Variants in RANBP2 observed in about 807,000 individuals in gnomAD.
The protein encoded by RANBP2 is E3 SUMO-protein ligase RanBP2.
Under a neutral mutation model 303.6 loss-of-function variants are expected in RANBP2, and 57 were observed. That is an observed-to-expected ratio of 0.19 (90% CI 0.15 to 0.23). The LOEUF is 0.23. Ranked by LOEUF, RANBP2 falls within the 10% of genes least tolerant of loss-of-function variation. The pLI, the probability that RANBP2 is intolerant of heterozygous loss-of-function variation, is 1.00. For synonymous variants in RANBP2, 1,167 were observed against 1,301.5 expected (o/e 0.90, Z 2.23); for missense variants, 3,138 against 3,780.8 (o/e 0.83, Z 4.46).
chr2:109,025,143 T>A, the RANBP2 span, among the ~76,000 whole-genome samples: 7 of 152,230 alleles, frequency 4.6e-5, no homozygotes, highest in Admixed American at 6.5e-5. Context: ...TTGTTTCACT[T>A]GGGTTTTCAA....
At chr2:109,125,101 G>C in the RANBP2 span, among the ~76,000 whole-genome samples, 1 of 152,194 alleles carries the variant, frequency 6.6e-6, no homozygotes, top group Non-Finnish European at 1.5e-5. Context: ...AGTCAAGTCT[G>C]GGGTTGGCCT....
the RANBP2 span, among the ~76,000 whole-genome samples, chr2:109,285,118 C>T: frequency 6.6e-6 from 1 of 152,202 alleles, no homozygotes. Context: ...CTGGAAAGAG[C>T]CCAGGGTCTG....
the RANBP2 span, among the ~76,000 whole-genome samples, chr2:109,625,180 G>A: frequency 6.3e-3 from 950 of 151,664 alleles, 11 homozygotes; most frequent in African/African-American, 0.022. Context: ...ATTGGAATCT[G>A]CATTTTAGCC....
the RANBP2 span, among the ~76,000 whole-genome samples, chr2:109,229,066 C>G: frequency 1.6e-4 from 25 of 152,258 alleles, no homozygotes; most frequent in Admixed American, 1.0e-3. Context: ...GGATTAGGAG[C>G]TCTGTGTTGG....
At chr2:109,526,943 G>A in the RANBP2 span, among the ~76,000 whole-genome samples, 4 of 152,152 alleles carry the variant, frequency 2.6e-5, no homozygotes, top group African/African-American at 9.7e-5. Flanking sequence ...GCCTGCCTGC[G>A]TGGGGGCTGG....
the RANBP2 span, among the ~76,000 whole-genome samples, chr2:108,898,434 C>A: frequency 6.6e-6 from 1 of 152,138 alleles, no homozygotes; most frequent in Admixed American, 6.5e-5. Flanking sequence ...AGCAAGACAG[C>A]ACCCTCATTC....
At chr2:109,231,313 T>C in the RANBP2 span, among the ~76,000 whole-genome samples, 1 of 152,234 alleles carries the variant, frequency 6.6e-6, no homozygotes, top group Admixed American at 6.5e-5. Context: ...GCTAATGCGA[T>C]GACATTTTGA....
At chr2:109,334,077 A>AT in the RANBP2 span, among the ~76,000 whole-genome samples, 1 of 152,162 alleles carries the variant, frequency 6.6e-6, no homozygotes, top group African/African-American at 2.4e-5. Context: ...ATCACCTCAA[A>AT]ACCAGGTTCA....
At chr2:108,740,827 A>T in intron 7 of RANBP2, 146 bp downstream of exon 7, 1 of 1,375,342 alleles carries the variant, frequency 7.3e-7, no homozygotes, top group Non-Finnish European at 9.9e-7. Flanking sequence ...AGTGGAAAAT[A>T]ACTAAGCATA....
chr2:109,088,266 G>A, the RANBP2 span, among the ~76,000 whole-genome samples: 20 of 151,760 alleles, frequency 1.3e-4, no homozygotes, highest in South Asian at 6.3e-4. Flanking sequence ...GCATGGTGGC[G>A]CGCGCCTGTA....
chr2:109,331,422 G>A, the RANBP2 span, among the ~76,000 whole-genome samples: 2 of 152,080 alleles, frequency 1.3e-5, no homozygotes, highest in East Asian at 3.9e-4. Context: ...GAGAACTGGG[G>A]CCTTAACCAG....
At chr2:108,965,252 C>G in the RANBP2 span, among the ~76,000 whole-genome samples, 1 of 151,918 alleles carries the variant, frequency 6.6e-6, no homozygotes, top group Admixed American at 6.6e-5. Flanking sequence ...CCGAGGCAGG[C>G]GGATCATGAG....
At chr2:108,847,348 CTT>C in the RANBP2 span, among the ~76,000 whole-genome samples, 2 of 152,196 alleles carry the variant, frequency 1.3e-5, no homozygotes, top group Non-Finnish European at 2.9e-5. Context: ...GTCTATGACT[CTT>C]TGCCCTACAG....
chr2:109,534,017 C>T, the RANBP2 span, among the ~76,000 whole-genome samples: 4 of 152,298 alleles, frequency 2.6e-5, no homozygotes, highest in South Asian at 2.1e-4. Context: ...GTGCCAGAAG[C>T]GGGTGAGCGG....
chr2:108,832,436 C>G, the RANBP2 span, among the ~76,000 whole-genome samples: 1 of 148,926 alleles, frequency 6.7e-6, no homozygotes, highest in East Asian at 2.0e-4. Context: ...CAACCTCTGC[C>G]TCCCAAGTTC....
the RANBP2 span, chr2:108,883,126 A>G: frequency 1.3e-5 from 2 of 152,192 alleles, no homozygotes; most frequent in African/African-American, 4.8e-5. Context: ...CAAAGCCTTT[A>G]GATATGTGTA....
At chr2:108,979,109 C>T in the RANBP2 span, among the ~76,000 whole-genome samples, 3 of 152,164 alleles carry the variant, frequency 2.0e-5, no homozygotes, top group Admixed American at 6.5e-5. Flanking sequence ...AATTCGGAAA[C>T]GTGGAAACAT....
the RANBP2 span, among the ~76,000 whole-genome samples, chr2:108,803,050 T>A: frequency 6.6e-6 from 1 of 152,230 alleles, no homozygotes; most frequent in Non-Finnish European, 1.5e-5. Flanking sequence ...TAAAGGTTGG[T>A]CTGAGACTTG....
At chr2:109,432,385 CT>C in the RANBP2 span, 1 of 1,327,652 alleles carries the variant, frequency 7.5e-7, no homozygotes, top group East Asian at 2.5e-5. Context: ...CCCATAGACT[CT>C]AGTGGGTCTT....
Sources: allele counts gnomAD v4.1 joint callset (sites outside exome capture counted in the v4.1 genomes callset), GRCh38; gene constraint gnomAD v4.1.1; transcripts MANE v1.5; gene names NCBI Gene and HGNC (gene_info 2026-07-23, HGNC 2026-07-21).